Variants in MARCHF1 observed in about 807,000 individuals in gnomAD.
MARCHF1 encodes membrane associated ring-CH-type finger 1, also known as E3 ubiquitin-protein ligase MARCHF1.
MARCHF1 carries 40 observed loss-of-function variants against 54.2 expected under a neutral mutation model. That is an observed-to-expected ratio of 0.74 (90% CI 0.57 to 0.96). MARCHF1 has a LOEUF of 0.96. MARCHF1 is among the 40% of genes least tolerant of loss of function. The pLI is 0.00. For synonymous variants in MARCHF1, 236 were observed against 236.3 expected (o/e 1.00, Z 0.01); for missense variants, 586 against 656.5 (o/e 0.89, Z 1.17).
At chr4:164,238,255 A>G (rs1732624501) in intron 1 of MARCHF1, among the ~76,000 whole-genome samples, 1 of 152,036 alleles carries the variant, frequency 6.6e-6, no homozygotes, top group South Asian at 2.1e-4. Flanking sequence ...GCACTTGGGA[A>G]CCCATTCCTC....
chr4:163,647,405 G>A (rs894474346), intron 5 of MARCHF1, among the ~76,000 whole-genome samples: 1 of 152,140 alleles, frequency 6.6e-6, no homozygotes, highest in South Asian at 2.1e-4. Flanking sequence ...CACTTTAGGT[G>A]AAATGGACCT....
At chr4:163,620,604 CACAGAGAG>C (rs1419994918) in intron 5 of MARCHF1, among the ~76,000 whole-genome samples, 753 of 49,656 alleles carry the variant, frequency 0.015, 3 homozygotes, top group African/African-American at 0.027. Flanking sequence ...CACACACACA[CACAGAGAG>C]AGAGAGAGAG....
At chr4:163,613,999 C>A (rs1231717525) in intron 5 of MARCHF1, among the ~76,000 whole-genome samples, 1 of 152,106 alleles carries the variant, frequency 6.6e-6, no homozygotes, top group African/African-American at 2.4e-5. Flanking sequence ...ATAAGAAAGC[C>A]TGAAACATCA....
chr4:163,605,731 A>G (rs868081797), intron 7 of MARCHF1, among the ~76,000 whole-genome samples: 87 of 152,208 alleles, frequency 5.7e-4, no homozygotes, highest in Admixed American at 2.6e-4. Context: ...CAGCCATAAA[A>G]AAGGATGAGT....
At chr4:164,210,199 T>C (rs1327326986) in intron 1 of MARCHF1, among the ~76,000 whole-genome samples, 1 of 152,160 alleles carries the variant, frequency 6.6e-6, no homozygotes, top group Non-Finnish European at 1.5e-5. Context: ...AAGAAAACTG[T>C]GACATTTTCC....
chr4:163,575,828 T>A (rs1740018007), intron 8 of MARCHF1, among the ~76,000 whole-genome samples: 1 of 152,094 alleles, frequency 6.6e-6, no homozygotes, highest in Admixed American at 6.6e-5. Context: ...CTAGTTTGTG[T>A]GCACAGAGGT....
intron 5 of MARCHF1, among the ~76,000 whole-genome samples, chr4:163,621,723 T>C (rs1397870989): frequency 6.6e-6 from 1 of 152,206 alleles, no homozygotes; most frequent in Non-Finnish European, 1.5e-5. Context: ...TACTACTTGC[T>C]GCTGAAGAGC....
At chr4:164,010,428 T>TA (rs1425737914) in intron 2 of MARCHF1, among the ~76,000 whole-genome samples, 1 of 151,956 alleles carries the variant, frequency 6.6e-6, no homozygotes, top group Non-Finnish European at 1.5e-5. Context: ...ACAAATTCAG[T>TA]AAAGTTGCAG....
intron 2 of MARCHF1, among the ~76,000 whole-genome samples, chr4:164,010,946 G>T (rs1306926727): frequency 1.3e-5 from 2 of 152,034 alleles, no homozygotes; most frequent in African/African-American, 4.8e-5. Context: ...GGAAAACCCA[G>T]ATATAAATCC....
chr4:164,235,993 C>T lies in MARCHF1; in HGVS notation c.-322-124331G>A, dbSNP rs190685027. On this transcript the variant is annotated intron_variant, in intron 1 of 9. Transcript: ENST00000514618. ...AGAGGCCGCATTGCTTAGGTGTTTG[C>T]GTGCTATTTTTAATGTATGTATTGT... Among the ~76,000 whole-genome samples the T allele has an allele frequency of 3.4e-4, 52 of 152,096 alleles. 1 individual carries two copies. Among genetic ancestry groups the T allele is most frequent in the Admixed American group, 2.8e-3 (43 of 15,258 alleles).
chr4:163,638,848 T>C (rs1056532455), intron 5 of MARCHF1, among the ~76,000 whole-genome samples: 2 of 152,198 alleles, frequency 1.3e-5, no homozygotes, highest in African/African-American at 4.8e-5. Context: ...AATAGAATAT[T>C]TATTAGTCTT....
chr4:163,953,721 G>T (rs899756557), intron 3 of MARCHF1, among the ~76,000 whole-genome samples: 1 of 152,008 alleles, frequency 6.6e-6, no homozygotes, highest in African/African-American at 2.4e-5. Flanking sequence ...GTTAAGAATG[G>T]TTTTTACACT....
chr4:164,175,100 AC>A (rs1202657569), intron 1 of MARCHF1, among the ~76,000 whole-genome samples: 1 of 152,176 alleles, frequency 6.6e-6, no homozygotes, highest in Non-Finnish European at 1.5e-5. Flanking sequence ...ACAAACCTCA[AC>A]CTATTTAAGC....
At chr4:164,296,440 T>G (rs1734413533) in intron 1 of MARCHF1, among the ~76,000 whole-genome samples, 1 of 152,176 alleles carries the variant, frequency 6.6e-6, no homozygotes, top group African/African-American at 2.4e-5. Flanking sequence ...TGGCATGATC[T>G]TGACTCACTG....
chr4:164,176,980 CTATATA>C (rs71595261), intron 1 of MARCHF1, among the ~76,000 whole-genome samples: 711 of 58,702 alleles, frequency 0.012, 24 homozygotes, highest in South Asian at 0.024. Flanking sequence ...CTCTCTCTCT[CTATATA>C]TATATATATA....
chr4:163,834,962 A>C (rs1483761917), intron 4 of MARCHF1, among the ~76,000 whole-genome samples: 1 of 151,946 alleles, frequency 6.6e-6, no homozygotes, highest in East Asian at 1.9e-4. Context: ...GCTCACTATA[A>C]CCTTGAATTC....
chr4:164,112,682 G>T (rs1459777008), intron 1 of MARCHF1, among the ~76,000 whole-genome samples: 1 of 151,934 alleles, frequency 6.6e-6, no homozygotes, highest in East Asian at 1.9e-4. Context: ...CTGACACTGG[G>T]AACACATTGT....
At chr4:164,149,418 A>C (rs1185858600) in intron 1 of MARCHF1, among the ~76,000 whole-genome samples, 4 of 152,156 alleles carry the variant, frequency 2.6e-5, no homozygotes, top group African/African-American at 9.7e-5. Flanking sequence ...CAGAACATGG[A>C]ATATATTGTT....
chr4:163,651,029 A>G (rs1242613251), intron 5 of MARCHF1, among the ~76,000 whole-genome samples: 1 of 151,948 alleles, frequency 6.6e-6, no homozygotes, highest in Non-Finnish European at 1.5e-5. Context: ...CACACAGAAA[A>G]CAGTATCCCA....
Sources: gnomAD v4.1 joint callset for allele counts (sites outside exome capture counted in the v4.1 genomes callset) on GRCh38, gnomAD v4.1.1 for gene constraint, MANE v1.5 for transcripts, NCBI Gene and HGNC (gene_info 2026-07-23, HGNC 2026-07-21) for gene names.